RPL18A: variants seen among roughly 807,000 people sequenced by gnomAD.
RPL18A encodes large ribosomal subunit protein eL20.
For synonymous variants in RPL18A, 122 were observed against 96.9 expected (o/e 1.26, Z -1.52); for missense variants, 163 against 254.1 (o/e 0.64, Z 2.44).
chr19:17,862,327 T>A (rs1048263637), intron 3 of RPL18A, 104 bp downstream of exon 3: 4 of 1,395,806 alleles, frequency 2.9e-6, no homozygotes, highest in Non-Finnish European at 3.9e-6. Flanking sequence ...GTCTCAGGAC[T>A]GGTGGCGGGG....
At chr19:17,862,852 CAGG>C (rs2094279978) in intron 3 of RPL18A, 63 bp from the exon 4 acceptor site, 3 of 1,070,402 alleles carry the variant, frequency 2.8e-6, no homozygotes, top group South Asian at 2.5e-5. Flanking sequence ...GGCAGGCACT[CAGG>C]AGGTTTGCTG....
Position 17,862,931 on chromosome 19 carries a change from T to G in RPL18A, c.342T>G (p.Gly114=). The change falls in exon 4 of 5, where the codon GGT becomes GGG. Residue 114 remains glycine (G), a synonymous_variant. Transcript: ENST00000222247. ...TCCTTTCCACAGACCGAGACATGGG[T>G]GCCCGGCACCGCGCCCGAGCCCACT... ...GAVTQCYRDM[G]ARHRARAHSI... is the part of the protein sequence containing the mutation. The G allele has an allele frequency of 6.2e-7, 1 of 1,611,038 alleles. No homozygotes were observed. The highest frequency in any genetic ancestry group is 8.5e-7 in the Non-Finnish European group (1 of 1,178,792).
rs772044923 is a variant in RPL18A at position 17,863,312 on chromosome 19, C to T, written c.*49C>T. Reference sequence around the variant, plus strand: ...GCCCCAAATAAACTCAGGAACGCCCCGGTGCTCGCCGCATGTTTTCTTTGC... The same window carrying T: ...GCCCCAAATAAACTCAGGAACGCCCTGGTGCTCGCCGCATGTTTTCTTTGC... On this transcript the variant is annotated 3_prime_UTR_variant, in exon 5 of 5. Transcript: ENST00000222247. 55 of 1,274,996 alleles carry T rather than the reference C, an allele frequency of 4.3e-5. No homozygotes were observed. The East Asian group carries it at 7.1e-4, about 16-fold the overall frequency. The allele number at this position is 1,274,996 out of a possible 1,614,324, so 79.0% of individuals were successfully genotyped here. A position where few individuals can be genotyped will look rare whatever the true frequency, so the allele number is the denominator to read the frequency against.
rs137996302 is a variant in RPL18A at position 17,860,719 on chromosome 19, C to T, written c.19-574C>T. On this transcript the variant is annotated intron_variant, in intron 1 of 4. Coordinates refer to ENST00000222247, the MANE Select transcript of RPL18A (RefSeq NM_000980.4). Reference sequence around the variant, plus strand: ...GCCTGGACTTGACCAAAGATTCTCACCTCTGCATCTGTAAACCGGGAGTCT... The same window carrying T: ...GCCTGGACTTGACCAAAGATTCTCATCTCTGCATCTGTAAACCGGGAGTCT... 5.0e-3 allele frequency: 772 copies of T among 154,882 alleles called. 7 individuals carry two copies. The highest frequency in any genetic ancestry group is 0.017 in the African/African-American group (717 of 41,596). 9.6% of individuals were successfully genotyped at this position (154,882 alleles called of 1,614,324 possible).
chr19:17,862,243 T>G lies in RPL18A; in HGVS notation c.328+20T>G, dbSNP rs2094278810. 2 of 1,611,696 alleles carry G rather than the reference T, an allele frequency of 1.2e-6. No homozygotes were observed. The highest frequency in any genetic ancestry group is 4.5e-5 in the East Asian group (2 of 44,868). On this transcript the variant is annotated intron_variant, in intron 3 of 4. Transcript: ENST00000222247. Reference sequence around the variant, plus strand: ...AGTGCTGTAAGCTGCCTGTCCCGCCTCCAGCTTTTTAGACCCTCCTTGACT... The same window carrying G: ...AGTGCTGTAAGCTGCCTGTCCCGCCGCCAGCTTTTTAGACCCTCCTTGACT...
chr19:17,861,898 A>G, intron 2 of RPL18A, 196 bp from the exon 3 acceptor site: 1 of 625,054 alleles, frequency 1.6e-6, no homozygotes. Flanking sequence ...GGCTGTTGCC[A>G]TGGGAAGTTC....
chr19:17,861,454 G>A lies in RPL18A; in HGVS notation c.180G>A (p.Glu60=). ...QLKKMKKSSG[E]IVYCGQVFEK... ...AGAAGATGAAGAAGTCTTCAGGGGA[G>A]ATTGTCTACTGTGGGCAGGTATGGA... is the stretch of plus-strand genomic sequence containing the variant. Residue 60 remains glutamate, a synonymous_variant, in exon 2 of 5, where the codon GAG becomes GAA. Transcript: ENST00000222247. 6 of 1,595,180 alleles carry A rather than the reference G, an allele frequency of 3.8e-6. No individual in the cohort carries two copies. The highest frequency in any genetic ancestry group is 3.4e-6 in the Non-Finnish European group (4 of 1,168,090).
chr19:17,860,538 G>A (rs2094275369), intron 1 of RPL18A, among the ~76,000 whole-genome samples: 1 of 152,208 alleles, frequency 6.6e-6, no homozygotes. Context: ...AAAGGGGCGG[G>A]CCCCATTGTT....
intron 3 of RPL18A, 167 bp from the exon 4 acceptor site, chr19:17,862,751 C>T: frequency 2.6e-6 from 2 of 760,948 alleles, no homozygotes; most frequent in Non-Finnish European, 4.8e-6. Flanking sequence ...GGACCCAGGC[C>T]TTGGGCTATC....
In RPL18A at chr19:17,861,992, T is replaced by A; in HGVS notation, c.199-102T>A. Reference sequence around the variant, plus strand: ...CAAGAGTCTGGCCATAGAGTAGGCCTGGAGCCTGGGGTGTGCTTTAGAGGC... The same window carrying A: ...CAAGAGTCTGGCCATAGAGTAGGCCAGGAGCCTGGGGTGTGCTTTAGAGGC... On this transcript the variant is annotated intron_variant, in intron 2 of 4. Coordinates refer to ENST00000222247, the MANE Select transcript of RPL18A (RefSeq NM_000980.4). The A allele has an allele frequency of 2.2e-6, 3 of 1,383,614 alleles. No homozygotes were observed. The South Asian group carries it at 4.1e-5, about 19-fold the overall frequency. 85.7% of individuals were successfully genotyped at this position (1,383,614 alleles called of 1,614,324 possible).
At chr19:17,860,092 C>G in intron 1 of RPL18A, 118 bp downstream of exon 1, 1 of 864,820 alleles carries the variant, frequency 1.2e-6, no homozygotes, top group Non-Finnish European at 1.7e-6. Context: ...CCCCCCTTGG[C>G]CGCGCGCCGC....
At chr19:17,861,212 T>C (rs921058099) in intron 1 of RPL18A, 81 bp from the exon 2 acceptor site, 8 of 1,320,506 alleles carry the variant, frequency 6.1e-6, no homozygotes, top group South Asian at 1.2e-5. Context: ...CTGTGGTCAC[T>C]AGATGTAGGA....
chr19:17,861,554 C>A, intron 2 of RPL18A, 82 bp downstream of exon 2: 1 of 1,145,790 alleles, frequency 8.7e-7, no homozygotes, highest in Non-Finnish European at 1.2e-6. Flanking sequence ...ATTAATCAGA[C>A]ATCGAACGGG....
intron 1 of RPL18A, chr19:17,860,366 G>T: frequency 4.2e-6 from 1 of 239,444 alleles, no homozygotes; most frequent in Non-Finnish European, 8.1e-6. Context: ...AGAAGCAGAT[G>T]AAAATTGCTA....
At chr19:17,862,355 A>T in intron 3 of RPL18A, 132 bp downstream of exon 3, 3 of 1,144,682 alleles carry the variant, frequency 2.6e-6, no homozygotes, top group Non-Finnish European at 3.7e-6. Flanking sequence ...AGACAAAAGG[A>T]TGCCCCAGGC....
At chr19:17,861,890 C>T (rs577573310) in intron 2 of RPL18A, 1 of 609,408 alleles carries the variant, frequency 1.6e-6, no homozygotes, top group East Asian at 2.9e-5. Context: ...GGACTTCAGG[C>T]TGTTGCCATG....
chr19:17,862,824 G>A (rs2094279930), intron 3 of RPL18A, 94 bp from the exon 4 acceptor site: 1 of 855,018 alleles, frequency 1.2e-6, no homozygotes, highest in Non-Finnish European at 2.0e-6. Context: ...GTGACCAACA[G>A]GATGTGTCAG....
intron 2 of RPL18A, 52 bp from the exon 3 acceptor site, chr19:17,862,042 A>G: frequency 6.2e-7 from 1 of 1,600,184 alleles, no homozygotes; most frequent in East Asian, 2.2e-5. Context: ...GGATGGGGCT[A>G]GGGCACATCG....
intron 1 of RPL18A, chr19:17,860,205 G>A: frequency 2.0e-6 from 1 of 508,702 alleles, no homozygotes; most frequent in Non-Finnish European, 3.4e-6. Context: ...CAAGGACTCC[G>A]GGTCTTCTTC....
Sources: gnomAD v4.1 joint callset for allele counts (sites outside exome capture counted in the v4.1 genomes callset) on GRCh38, gnomAD v4.1.1 for gene constraint, MANE v1.5 for transcripts, NCBI Gene and HGNC (gene_info 2026-07-23, HGNC 2026-07-21) for gene names.